SPTAN1: variants seen among roughly 807,000 people sequenced by gnomAD.
SPTAN1 encodes spectrin alpha, non-erythrocytic 1.
SPTAN1 carries 61 observed loss-of-function variants against 331.3 expected under a neutral mutation model. The ratio of observed to expected loss-of-function variants is 0.18; its 90% CI spans 0.15 to 0.23. SPTAN1 has a LOEUF of 0.23. SPTAN1 is among the 10% of genes least tolerant of loss of function. The probability of loss-of-function intolerance (pLI) is 1.00; values close to 1 mark genes in which losing one functional copy is unlikely to be tolerated. For missense variants in SPTAN1, 2,043 were observed against 3,147.9 expected (o/e 0.65, Z 8.40); for synonymous variants, 1,153 against 1,173.9 (o/e 0.98, Z 0.36).
intron 1 of SPTAN1, among the ~76,000 whole-genome samples, chr9:128,564,368 A>G (rs1479290980): frequency 4.6e-5 from 7 of 151,800 alleles, no homozygotes; most frequent in Non-Finnish European, 2.9e-5. Flanking sequence ...TCAATGAGCC[A>G]AGATCATGCC....
At chr9:128,624,217 A>G (rs1184942746) in intron 45 of SPTAN1, 111 bp from the exon 46 acceptor site, 2 of 1,264,108 alleles carry the variant, frequency 1.6e-6, no homozygotes, top group Non-Finnish European at 1.1e-6. Context: ...AGCAGTGGAC[A>G]GGGGAGCAAG....
At chr9:128,628,054 G>T (rs1256013330) in intron 51 of SPTAN1, 112 bp downstream of exon 51, 1 of 1,347,330 alleles carries the variant, frequency 7.4e-7, no homozygotes, top group South Asian at 1.2e-5. Flanking sequence ...GCCCAGGGCG[G>T]GCTGCACTTC....
At chr9:128,563,599 A>G (rs975809524) in intron 1 of SPTAN1, among the ~76,000 whole-genome samples, 1 of 152,118 alleles carries the variant, frequency 6.6e-6, no homozygotes, top group East Asian at 1.9e-4. Flanking sequence ...ATTTTACAAT[A>G]TGCAAACTGA....
chr9:128,587,593 G>A lies in SPTAN1; in HGVS notation c.2779-13G>A, dbSNP rs1186258001. 1 of 1,612,934 alleles carries A rather than the reference G, an allele frequency of 6.2e-7. No individual in the cohort carries two copies. The highest frequency in any genetic ancestry group is 8.5e-7 in the Non-Finnish European group (1 of 1,179,626). On this transcript the variant is annotated splice_polypyrimidine_tract_variant and intron_variant, in intron 19 of 56. Transcript: ENST00000372739. The stretch of plus-strand genomic sequence containing the variant: ...GCCCCTGCACAGTGCTCCATGTGTG[G>A]TTTTGGTTTCAGGCTCTACTGAAGA...
At position 128,629,932 on chromosome 9, in the gene SPTAN1, CCT is replaced by C. The variant is rs1284821868; in HGVS notation, c.6708-388_6708-387del. ...GTCAGGTTCTCAGCCTCCCCTCTGCCCTGAGGTCTCCTGTCTGTCAGGTGTCA... is the reference window on the plus strand; with the variant it reads ...GTCAGGTTCTCAGCCTCCCCTCTGCCGAGGTCTCCTGTCTGTCAGGTGTCA... On this transcript the variant is annotated intron_variant, in intron 51 of 56. Transcript: ENST00000372739. This position sits in a 1 kb window ranked among gnomAD's most constrained non-coding sequence, Gnocchi z 4.9. 1.4e-5 allele frequency: 5 copies of C among 367,592 alleles called. No individual in the cohort carries two copies. Among genetic ancestry groups the C allele is most frequent in the African/African-American group, 4.2e-5 (2 of 47,146 alleles). 22.8% of individuals were successfully genotyped at this position (367,592 alleles called of 1,614,324 possible).
intron 52 of SPTAN1, chr9:128,631,879 G>T: frequency 3.6e-6 from 2 of 552,862 alleles, no homozygotes; most frequent in Non-Finnish European, 6.5e-6. Flanking sequence ...CTTGTCCTTG[G>T]CGTGCACTGC....
chr9:128,584,683 T>A lies in SPTAN1; in HGVS notation c.2438-38T>A, dbSNP rs2131168302. ...GACAAATCAGTGCTGACTTTTCTCT[T>A]CATGGTTGGATAACTGGGGACTGGT... is the stretch of plus-strand genomic sequence containing the variant. On this transcript the variant is annotated intron_variant, in intron 17 of 56. Coordinates refer to ENST00000372739, the MANE Select transcript of SPTAN1 (RefSeq NM_001130438.3). 1.9e-6 allele frequency: 3 copies of A among 1,614,202 alleles called. No individual in the cohort carries two copies. In the East Asian group the frequency reaches 6.7e-5, roughly 36 times the overall value.
At chr9:128,571,039 T>G (rs1422865910) in intron 3 of SPTAN1, among the ~76,000 whole-genome samples, 1 of 152,130 alleles carries the variant, frequency 6.6e-6, no homozygotes, top group Non-Finnish European at 1.5e-5. Flanking sequence ...CCCAGAACTT[T>G]GGGAGGCCAA....
intron 24 of SPTAN1, among the ~76,000 whole-genome samples, chr9:128,595,651 C>T (rs1010096062): frequency 9.9e-5 from 15 of 151,982 alleles, no homozygotes; most frequent in African/African-American, 3.4e-4. Flanking sequence ...CCTCTAGTTC[C>T]GAAACATTTG....
Position 128,609,036 on chromosome 9 carries a change from C to G in SPTAN1, c.4595+59C>G. 4 of 1,613,254 alleles carry G rather than the reference C, an allele frequency of 2.5e-6. No individual in the cohort carries two copies. The South Asian group carries it at 4.4e-5, about 18-fold the overall frequency. Reference sequence around the variant, plus strand: ...CCCTGAGAGGATGCATCCCCTCATACGAAGGCCCAGGCCTGTTCTGTCTCC... The same window carrying G: ...CCCTGAGAGGATGCATCCCCTCATAGGAAGGCCCAGGCCTGTTCTGTCTCC... On this transcript the variant is annotated intron_variant, in intron 35 of 56. Transcript: ENST00000372739.
chr9:128,605,416 G>T lies in SPTAN1; in HGVS notation c.3985G>T (p.Asp1329Tyr). The T allele has an allele frequency of 6.2e-7, 1 of 1,614,212 alleles. No homozygotes were observed. ...QAWSSLGKRA[D>Y]QRKAKLGDSH... ...CTGGAGCAGCCTGGGGAAACGTGCA[G>T]ATCAGCGCAAGGCAAAGTTGGGTGA... The change falls in exon 31 of 57, where the codon GAT (aspartate) becomes TAT (tyrosine). Residue 1329 changes from aspartate to tyrosine, a missense_variant. Transcript: ENST00000372739.
intron 44 of SPTAN1, among the ~76,000 whole-genome samples, chr9:128,620,821 T>A (rs1322694659): frequency 6.6e-6 from 1 of 152,206 alleles, no homozygotes; most frequent in East Asian, 1.9e-4. Context: ...ATCTTCAGCT[T>A]GCTTTGTGTC....
chr9:128,575,154 C>G (rs1851164559), intron 4 of SPTAN1, 45 bp from the exon 5 acceptor site: 1 of 1,613,508 alleles, frequency 6.2e-7, no homozygotes, highest in East Asian at 2.2e-5. Flanking sequence ...CCATTGTTAA[C>G]AAATGTTGGT....
Position 128,612,240 on chromosome 9 carries a change from G to C in SPTAN1, c.5037G>C (p.Leu1679=), listed in dbSNP as rs1457404534. 28 of 1,614,170 alleles carry C rather than the reference G, an allele frequency of 1.7e-5. No individual in the cohort carries two copies. Among genetic ancestry groups the C allele is most frequent in the Non-Finnish European group, 2.4e-5 (28 of 1,180,048 alleles). Residue 1679 remains leucine, a synonymous_variant, in exon 39 of 57, where the codon CTG becomes CTC. Coordinates refer to ENST00000372739, the MANE Select transcript of SPTAN1 (RefSeq NM_001130438.3). The part of the protein sequence containing the change: ...NTGIKDFDFW[L]SEVEALLASE... Reference sequence around the variant, plus strand: ...GGATCAAGGACTTTGACTTCTGGCTGTCTGAGGTAACACTGAGTGGTTCCT... The same window carrying C: ...GGATCAAGGACTTTGACTTCTGGCTCTCTGAGGTAACACTGAGTGGTTCCT...
intron 48 of SPTAN1, 152 bp from the exon 49 acceptor site, chr9:128,626,239 G>C (rs1027173639): frequency 6.1e-5 from 65 of 1,072,694 alleles, no homozygotes; most frequent in Admixed American, 5.9e-4. Context: ...AGACTTGAAG[G>C]GGGAGCAGGA....
Position 128,629,181 on chromosome 9 carries a change from C to CTG in SPTAN1, c.6708-1139_6708-1138dup, listed in dbSNP as rs1206720010. 1 of 398,570 alleles carries CTG rather than the reference C, an allele frequency of 2.5e-6. No homozygotes were observed. The highest frequency in any genetic ancestry group is 2.1e-5 in the African/African-American group (1 of 48,616). 24.7% of individuals were successfully genotyped at this position (398,570 alleles called of 1,614,324 possible). ...CAGTATGAAGTTGGGGATGATCTGT[C>CTG]TGGAAGGTTTTTCTCCTTATTTCTC... On this transcript the variant is annotated intron_variant, in intron 51 of 56. Transcript: ENST00000372739. The surrounding 1 kb of genome is among the most constrained non-coding windows in gnomAD (Gnocchi z 4.9).
chr9:128,568,669 AGAG>A, intron 2 of SPTAN1, 100 bp from the exon 3 acceptor site: 1 of 1,500,046 alleles, frequency 6.7e-7, no homozygotes, highest in Non-Finnish European at 9.1e-7. Flanking sequence ...ATCCCTAACT[AGAG>A]GGAGCAGGAT....
intron 19 of SPTAN1, among the ~76,000 whole-genome samples, chr9:128,587,240 A>G (rs1311983924): frequency 6.6e-6 from 1 of 151,182 alleles, no homozygotes; most frequent in East Asian, 1.9e-4. Context: ...ACGCACCATC[A>G]CATCTGGCTA....
intron 42 of SPTAN1, 69 bp downstream of exon 42, chr9:128,617,829 C>T (rs778305895): frequency 4.9e-5 from 79 of 1,612,080 alleles, no homozygotes; most frequent in Middle Eastern, 1.8e-4. Context: ...AGACAAACCC[C>T]TTGCGCTTAT....
Sources: gnomAD v4.1 joint callset for allele counts (sites outside exome capture counted in the v4.1 genomes callset) on GRCh38, gnomAD v4.1.1 for gene constraint, Gnocchi (gnomAD v3.1) non-coding constraint, MANE v1.5 for transcripts, NCBI Gene and HGNC (gene_info 2026-07-23, HGNC 2026-07-21) for gene names.